The following ACACA variants were observed in gnomAD, a reference collection of about 807,000 sequenced individuals.
The protein encoded by ACACA is acetyl-CoA carboxylase 1.
A neutral mutation model predicts 296.1 loss-of-function variants in ACACA; 103 were observed. That is an observed-to-expected ratio of 0.35 (90% confidence interval 0.30 to 0.41). The LOEUF (loss-of-function observed/expected upper bound fraction) is 0.41, where lower values mean the gene tolerates loss of function less well. Among genes scored for constraint, ACACA ranks in the 10% least tolerant of loss-of-function variants. The pLI, the probability that ACACA is intolerant of heterozygous loss-of-function variation, is 1.00. For synonymous variants in ACACA, 953 were observed against 1,038.6 expected (o/e 0.92, Z 1.58); for missense variants, 1,554 against 2,989.7 (o/e 0.52, Z 11.20).
Position 37,102,013 on chromosome 17 carries a change from A to T in ACACA, c.6566-4029T>A, listed in dbSNP as rs1399962812. Among the ~76,000 whole-genome samples, 3 of 152,170 alleles carry T rather than the reference A, an allele frequency of 2.0e-5. No homozygotes were observed. In the East Asian group the frequency reaches 5.8e-4, roughly 29 times the overall value. On this transcript the variant is annotated intron_variant, in intron 52 of 55. Transcript: ENST00000616317. Reference sequence around the variant, plus strand: ...GCACAATACAGATCTACACACCTACATCTGGTCAGCTGTTAACACTGCTGC... The same window carrying T: ...GCACAATACAGATCTACACACCTACTTCTGGTCAGCTGTTAACACTGCTGC...
intron 52 of ACACA, among the ~76,000 whole-genome samples, chr17:37,104,218 G>A (rs1422975924): frequency 6.6e-6 from 1 of 152,212 alleles, no homozygotes; most frequent in Non-Finnish European, 1.5e-5. Flanking sequence ...GACAAGTTTG[G>A]CTTAGGTGAA....
chr17:37,143,556 C>A, intron 45 of ACACA: 1 of 552,150 alleles, frequency 1.8e-6, no homozygotes, highest in Non-Finnish European at 3.2e-6. Context: ...AAAGAAGACA[C>A]CATACAGTTT....
At chr17:37,317,256 C>A (rs540005716) in intron 3 of ACACA, among the ~76,000 whole-genome samples, 27 of 152,078 alleles carry the variant, frequency 1.8e-4, no homozygotes, top group African/African-American at 5.8e-4. Context: ...ATAGTGATTA[C>A]TATGGAATGA....
intron 1 of ACACA, among the ~76,000 whole-genome samples, chr17:37,352,240 T>G (rs186435159): frequency 1.2e-4 from 18 of 152,228 alleles, no homozygotes; most frequent in African/African-American, 4.3e-4. Context: ...TTATCAGAAT[T>G]GCAACGAATA....
intron 39 of ACACA, among the ~76,000 whole-genome samples, chr17:37,185,371 T>G (rs143597920): frequency 6.8e-6 from 1 of 147,016 alleles, no homozygotes; most frequent in African/African-American, 2.5e-5. Context: ...TAGTTGGTAC[T>G]ACAGGTGCAT....
chr17:37,213,060 A>T (rs945360081), intron 29 of ACACA, among the ~76,000 whole-genome samples: 1 of 152,060 alleles, frequency 6.6e-6, no homozygotes, highest in East Asian at 1.9e-4. Context: ...GCTCATGCCT[A>T]TAATTCCAGC....
At chr17:37,165,128 C>T (rs1260783373) in intron 41 of ACACA, among the ~76,000 whole-genome samples, 1 of 151,244 alleles carries the variant, frequency 6.6e-6, no homozygotes, top group African/African-American at 2.4e-5. Context: ...CCCCGCCCCG[C>T]CCCCCATCTT....
intron 25 of ACACA, among the ~76,000 whole-genome samples, chr17:37,232,869 C>T (rs775354824): frequency 6.6e-6 from 1 of 151,908 alleles, no homozygotes; most frequent in Non-Finnish European, 1.5e-5. Flanking sequence ...TCCTTATCCT[C>T]CTCCTCCTCC....
intron 55 of ACACA, 115 bp downstream of exon 55, chr17:37,088,823 A>G (rs2072404300): frequency 7.2e-7 from 1 of 1,382,060 alleles, no homozygotes; most frequent in South Asian, 1.2e-5. Flanking sequence ...CTCAAACAGC[A>G]AGAGACTGCA....
intron 43 of ACACA, among the ~76,000 whole-genome samples, chr17:37,152,083 C>T (rs1473322510): frequency 1.3e-5 from 2 of 152,106 alleles, no homozygotes; most frequent in Non-Finnish European, 2.9e-5. Context: ...GTGTGAGCCA[C>T]CGCGCCCGGC....
In ACACA at chr17:37,226,366, A is replaced by G. The variant is rs1182760331; in HGVS notation, c.3333T>C (p.Asn1111=). 6.2e-7 allele frequency: 1 copy of G among 1,614,188 alleles called. No homozygotes were observed. The highest frequency in any genetic ancestry group is 1.7e-5 in the Admixed American group (1 of 60,034). ...TELTQLSKTT[N]AKVALRARQV... is the part of the protein sequence containing the mutation. ...GGCGTGCTCGAAGTGCTACTTTGGC[A>G]TTGGTGGTCTTACTGAGTTGAGTTA... The change falls in exon 26 of 56, where the codon AAT becomes AAC. Residue 1111 remains asparagine, a synonymous_variant. Coordinates refer to ENST00000616317, the MANE Select transcript of ACACA (RefSeq NM_198834.3).
chr17:37,334,182 T>G (rs1489122085), intron 2 of ACACA, among the ~76,000 whole-genome samples: 8 of 151,980 alleles, frequency 5.3e-5, no homozygotes, highest in African/African-American at 1.5e-4. Context: ...CCTATAGCCT[T>G]ACTAAGAATC....
At chr17:37,252,238 C>T in intron 15 of ACACA, 130 bp from the exon 16 acceptor site, 2 of 754,656 alleles carry the variant, frequency 2.7e-6, no homozygotes, top group African/African-American at 1.7e-5. Flanking sequence ...CACTGCCCAA[C>T]TGATTTTTTA....
chr17:37,266,490 G>A (rs1219551058), intron 10 of ACACA, among the ~76,000 whole-genome samples: 6 of 150,132 alleles, frequency 4.0e-5, no homozygotes, highest in Admixed American at 1.3e-4. Context: ...AAGATACTTA[G>A]AAGCATCTTT....
At chr17:37,204,154 G>A (rs1414143887) in intron 33 of ACACA, among the ~76,000 whole-genome samples, 1 of 152,186 alleles carries the variant, frequency 6.6e-6, no homozygotes, top group East Asian at 1.9e-4. Context: ...GCTAAGTGCT[G>A]TCCACTCCAA....
At chr17:37,225,299 G>T (rs1245613574) in intron 26 of ACACA, 194 bp from the exon 27 acceptor site, 1 of 554,112 alleles carries the variant, frequency 1.8e-6, no homozygotes, top group Non-Finnish European at 3.2e-6. Flanking sequence ...AATCTCAGTT[G>T]ACTCTCACCA....
At chr17:37,393,953 C>G (rs2050986355) in intron 1 of ACACA, among the ~76,000 whole-genome samples, 1 of 152,116 alleles carries the variant, frequency 6.6e-6, no homozygotes, top group South Asian at 2.1e-4. Context: ...TGAGGATTTT[C>G]TGACTCCCTA....
At chr17:37,103,265 T>A (rs2073470172) in intron 52 of ACACA, among the ~76,000 whole-genome samples, 1 of 152,218 alleles carries the variant, frequency 6.6e-6, no homozygotes, top group South Asian at 2.1e-4. Context: ...TTTTGACTTC[T>A]GAACCCTGTT....
chr17:37,119,101 C>CA (rs1402401688), intron 50 of ACACA, among the ~76,000 whole-genome samples: 1 of 152,146 alleles, frequency 6.6e-6, no homozygotes, highest in Non-Finnish European at 1.5e-5. Context: ...CAGGTCTCAA[C>CA]AAAAATATTA....
Sources: allele counts gnomAD v4.1 joint callset (sites outside exome capture counted in the v4.1 genomes callset), GRCh38; gene constraint gnomAD v4.1.1; transcripts MANE v1.5; gene names NCBI Gene and HGNC (gene_info 2026-07-23, HGNC 2026-07-21).